Variants in ANO10 observed in about 807,000 individuals in gnomAD.
ANO10 encodes anoctamin-10.
ANO10 carries 77 observed loss-of-function variants against 74.7 expected under a neutral mutation model. That is an observed-to-expected ratio of 1.03 (90% CI 0.86 to 1.25). ANO10 has a LOEUF of 1.25. Among genes scored for constraint, ANO10 ranks in the 50% most tolerant of loss-of-function variants. The probability of loss-of-function intolerance (pLI) is 0.00; values close to 1 mark genes in which losing one functional copy is unlikely to be tolerated. For synonymous variants in ANO10, 279 were observed against 284.9 expected, an observed-to-expected ratio of 0.98 and a Z score of 0.21; for missense variants, 721 against 778.1, an observed-to-expected ratio of 0.93 and a Z score of 0.87.
At chr3:43,484,928 G>T (rs186018389) in intron 11 of ANO10, 1 of 773,414 alleles carries the variant, frequency 1.3e-6, no homozygotes, top group Non-Finnish European at 2.1e-6. Context: ...TCACCGGGGC[G>T]TTCCTGAGTT....
chr3:43,483,561 C>A (rs757397195), intron 11 of ANO10, among the ~76,000 whole-genome samples: 1 of 152,144 alleles, frequency 6.6e-6, no homozygotes, highest in Non-Finnish European at 1.5e-5. Flanking sequence ...GTCAACACTA[C>A]CCACATGATT....
intron 4 of ANO10, among the ~76,000 whole-genome samples, chr3:43,596,679 A>T (rs1208598191): frequency 3.3e-5 from 5 of 152,188 alleles, no homozygotes; most frequent in South Asian, 2.1e-4. Context: ...AACCTAGGCA[A>T]TACCATTCAG....
chr3:43,508,390 TC>T (rs1394665885), intron 11 of ANO10, among the ~76,000 whole-genome samples: 2 of 152,172 alleles, frequency 1.3e-5, no homozygotes, highest in Non-Finnish European at 2.9e-5. Context: ...GTGTGGTGAT[TC>T]CTCAAGGATC....
rs60554785 is a variant in ANO10 at position 43,414,967 on chromosome 3, CTTT to C, written c.1914+17641_1914+17643del. Among the ~76,000 whole-genome samples the C allele has an allele frequency of 1.1e-4, 7 of 66,600 alleles. No homozygotes were observed. In the East Asian group the frequency reaches 1.2e-3, roughly 12 times the overall value. 43.7% of individuals were successfully genotyped at this position (66,600 alleles called of 152,430 possible). On this transcript the variant is annotated intron_variant, in intron 12 of 12. Transcript: ENST00000292246. ...CTGTATGGTTGTTCCTGTCATTGTGCTTTTTTTTTTTTTTTTTTTTTTTTTGAG... is the reference window on the plus strand; with the variant it reads ...CTGTATGGTTGTTCCTGTCATTGTGCTTTTTTTTTTTTTTTTTTTTTTGAG...
intron 11 of ANO10, among the ~76,000 whole-genome samples, chr3:43,436,104 T>C (rs1219978720): frequency 2.0e-5 from 3 of 152,230 alleles, no homozygotes; most frequent in Non-Finnish European, 4.4e-5. Context: ...TTTTGTGTTG[T>C]AGCCTGGAAG....
intron 11 of ANO10, among the ~76,000 whole-genome samples, chr3:43,527,988 A>G (rs1175830945): frequency 6.6e-6 from 1 of 152,156 alleles, no homozygotes; most frequent in Non-Finnish European, 1.5e-5. Flanking sequence ...CGGAAAGAAG[A>G]AAGCAAAAGG....
intron 12 of ANO10, among the ~76,000 whole-genome samples, chr3:43,384,756 T>C (rs2092068325): frequency 2.0e-5 from 3 of 152,190 alleles, no homozygotes; most frequent in Non-Finnish European, 2.9e-5. Context: ...TCTCACTTTA[T>C]ACAAAAATCA....
intron 11 of ANO10, among the ~76,000 whole-genome samples, chr3:43,443,292 G>GA (rs1420784885): frequency 6.6e-6 from 1 of 152,140 alleles, no homozygotes; most frequent in Admixed American, 6.5e-5. Flanking sequence ...AAGCTTTGCT[G>GA]AAAAAACAAC....
chr3:43,398,082 A>G (rs899368660), intron 12 of ANO10, among the ~76,000 whole-genome samples: 12 of 152,212 alleles, frequency 7.9e-5, no homozygotes, highest in African/African-American at 2.4e-4. Flanking sequence ...ATGGACATAT[A>G]TTACCTTGGT....
At chr3:43,459,220 T>G (rs2149020682) in intron 11 of ANO10, among the ~76,000 whole-genome samples, 1 of 152,244 alleles carries the variant, frequency 6.6e-6, no homozygotes, top group Middle Eastern at 3.4e-3. Flanking sequence ...CTAAGTTGTT[T>G]TTATCTTTTG....
At chr3:43,382,528 A>C (rs1036685680) in intron 12 of ANO10, among the ~76,000 whole-genome samples, 66 of 152,144 alleles carry the variant, frequency 4.3e-4, no homozygotes, top group African/African-American at 1.6e-3. Context: ...CAAAAAAAAA[A>C]AAAAAGAAAT....
chr3:43,515,756 G>A (rs1183786619), intron 11 of ANO10, among the ~76,000 whole-genome samples: 2 of 152,110 alleles, frequency 1.3e-5, no homozygotes, highest in South Asian at 2.1e-4. Flanking sequence ...GGACACAATC[G>A]AGATAACTTC....
At chr3:43,593,577 C>T (rs2081921116) in intron 4 of ANO10, among the ~76,000 whole-genome samples, 2 of 152,124 alleles carry the variant, frequency 1.3e-5, no homozygotes, top group East Asian at 3.9e-4. Flanking sequence ...TTTGTCACCA[C>T]CAGGCCTGCC....
chr3:43,369,332 G>A (rs1480074388), intron 12 of ANO10, among the ~76,000 whole-genome samples: 1 of 152,260 alleles, frequency 6.6e-6, no homozygotes, highest in Non-Finnish European at 1.5e-5. Context: ...GGATGTCCAC[G>A]AGGTCACAAG....
intron 1 of ANO10, among the ~76,000 whole-genome samples, chr3:43,635,174 T>G (rs1209401311): frequency 6.6e-6 from 1 of 152,130 alleles, no homozygotes; most frequent in Admixed American, 6.5e-5. Context: ...TTGGTCCTAA[T>G]GCAAAAGAAC....
intron 12 of ANO10, among the ~76,000 whole-genome samples, chr3:43,394,184 G>A (rs1053314005): frequency 2.0e-5 from 3 of 152,064 alleles, no homozygotes; most frequent in African/African-American, 7.2e-5. Flanking sequence ...TGGCCTCCCT[G>A]GAAGAGGGGC....
chr3:43,646,609 G>C (rs2083729377), intron 1 of ANO10, among the ~76,000 whole-genome samples: 1 of 152,102 alleles, frequency 6.6e-6, no homozygotes, highest in South Asian at 2.1e-4. Context: ...CTGACTCACT[G>C]CAACTTCCAC....
chr3:43,685,286 C>A (rs1218698063), intron 1 of ANO10, among the ~76,000 whole-genome samples: 2 of 151,622 alleles, frequency 1.3e-5, no homozygotes, highest in Admixed American at 1.3e-4. Context: ...TTTATTAATC[C>A]CAAGGAACCA....
At chr3:43,378,320 G>A (rs2091867613) in intron 12 of ANO10, among the ~76,000 whole-genome samples, 1 of 152,284 alleles carries the variant, frequency 6.6e-6, no homozygotes, top group Admixed American at 6.5e-5. Context: ...GAGGCACCCA[G>A]GCATCAAAGG....
Sources: allele counts gnomAD v4.1 joint callset (sites outside exome capture counted in the v4.1 genomes callset), GRCh38; gene constraint gnomAD v4.1.1; transcripts MANE v1.5; gene names NCBI Gene and HGNC (gene_info 2026-07-23, HGNC 2026-07-21).